Variants in NUDT1 observed in about 807,000 individuals in gnomAD.
NUDT1 encodes the protein oxidized purine nucleoside triphosphate hydrolase.
In NUDT1, 16 loss-of-function variants were observed where a neutral mutation model predicts 11.3. The observed-to-expected ratio is 1.41, with a 90% CI of 0.96 to 2.15. The LOEUF (loss-of-function observed/expected upper bound fraction) is 2.15. NUDT1 is among the 30% of genes most tolerant of loss of function. The probability of loss-of-function intolerance (pLI) is 0.00; values close to 1 mark genes in which losing one functional copy is unlikely to be tolerated. For synonymous variants in NUDT1, 101 were observed against 84.4 expected (o/e 1.20, Z -1.08); for missense variants, 234 against 208.4 (o/e 1.12, Z -0.76).
intron 2 of NUDT1, chr7:2,249,391 G>A (rs551058327): frequency 4.1e-5 from 9 of 221,472 alleles, no homozygotes; most frequent in Admixed American, 3.7e-4. Context: ...CAGAGCAAGC[G>A]TCCCAGGGCC....
Position 2,244,684 on chromosome 7 carries a change from G to C in NUDT1, c.110G>C (p.Gly37Ala). ...FGAGRWNGFG[G>A]KVQEGETIED... ...GCCGGCCGGTGGAATGGCTTTGGGG[G>C]CAAAGTGCAAGAAGGAGAGACCATC... is the stretch of plus-strand genomic sequence containing the variant. Residue 37 changes from glycine (G) to alanine (A), a missense_variant, in exon 2 of 4, where the codon GGC becomes GCC. Gly to Ala is a moderately conservative substitution (Grantham distance 60, BLOSUM62 0). Coordinates refer to ENST00000356714, the MANE Select transcript of NUDT1 (RefSeq NM_002452.4). 1.2e-6 allele frequency: 2 copies of C among 1,612,874 alleles called. No homozygotes were observed. Among genetic ancestry groups the C allele is most frequent in the African/African-American group, 2.7e-5 (2 of 75,020 alleles).
chr7:2,245,662 G>A (rs1794740799), intron 2 of NUDT1, among the ~76,000 whole-genome samples: 2 of 152,022 alleles, frequency 1.3e-5, no homozygotes, highest in South Asian at 2.1e-4. Context: ...GGGCTCAAAC[G>A]ATCCTCCTGC....
At chr7:2,246,809 G>A (rs1235140166) in intron 2 of NUDT1, among the ~76,000 whole-genome samples, 1 of 152,140 alleles carries the variant, frequency 6.6e-6, no homozygotes, top group African/African-American at 2.4e-5. Context: ...GGAGACGGGG[G>A]TTTCACCATG....
intron 2 of NUDT1, among the ~76,000 whole-genome samples, chr7:2,246,954 C>T (rs1305776701): frequency 6.6e-6 from 1 of 152,140 alleles, no homozygotes; most frequent in East Asian, 1.9e-4. Flanking sequence ...AAAAATCCTT[C>T]GTTGGGGAGC....
At position 2,244,738 on chromosome 7, in the gene NUDT1, G is replaced by A; in HGVS notation, c.152+12G>A. The stretch of plus-strand genomic sequence containing the variant: ...GATGGGGCTAGGAGGTAAGGATGGG[G>A]CAGGTCTGGCCATAGAACCGGCTTT... On this transcript the variant is annotated intron_variant, in intron 2 of 3. Transcript: ENST00000356714. The A allele has an allele frequency of 6.2e-7, 1 of 1,602,390 alleles. No homozygotes were observed. Among genetic ancestry groups the A allele is most frequent in the Non-Finnish European group, 8.5e-7 (1 of 1,175,536 alleles).
rs570257689 is a variant in NUDT1 at position 2,250,065 on chromosome 7, A to T, written c.298+63A>T. 5 of 1,596,622 alleles carry T rather than the reference A, an allele frequency of 3.1e-6. No individual in the cohort carries two copies. In the African/African-American group the frequency reaches 6.7e-5, roughly 21 times the overall value. ...CGGGTCCCATCTCCTGGCTGGGAGAAAGGCCATCCGCCCAAACCATCTCTG... is the reference window on the plus strand; with the variant it reads ...CGGGTCCCATCTCCTGGCTGGGAGATAGGCCATCCGCCCAAACCATCTCTG... On this transcript the variant is annotated intron_variant, in intron 3 of 3. Transcript: ENST00000356714.
intron 2 of NUDT1, among the ~76,000 whole-genome samples, chr7:2,248,366 G>T (rs1291221796): frequency 6.6e-6 from 1 of 152,164 alleles, no homozygotes; most frequent in Non-Finnish European, 1.5e-5. Context: ...GCTCAGAACG[G>T]GAGGTCAGCA....
intron 1 of NUDT1, among the ~76,000 whole-genome samples, chr7:2,244,155 C>T (rs187547714): frequency 1.3e-5 from 2 of 152,276 alleles, no homozygotes; most frequent in African/African-American, 2.4e-5. Flanking sequence ...GGATAAACTG[C>T]GTGGTTATTT....
chr7:2,248,613 G>C (rs1215142103), intron 2 of NUDT1, among the ~76,000 whole-genome samples: 3 of 147,258 alleles, frequency 2.0e-5, no homozygotes, highest in Non-Finnish European at 4.5e-5. Context: ...GTGCAGTGGA[G>C]TAATCCCAGC....
intron 2 of NUDT1, 121 bp downstream of exon 2, chr7:2,244,847 C>T (rs1239237250): frequency 1.5e-5 from 18 of 1,198,386 alleles, no homozygotes; most frequent in Non-Finnish European, 2.0e-5. Context: ...GGGGGTTAAG[C>T]GTGAGCCTCA....
chr7:2,246,615 T>C (rs1794775798), intron 2 of NUDT1, among the ~76,000 whole-genome samples: 1 of 152,194 alleles, frequency 6.6e-6, no homozygotes, highest in African/African-American at 2.4e-5. Context: ...TATTTTCTTC[T>C]GAACTTTGTC....
intron 2 of NUDT1, among the ~76,000 whole-genome samples, chr7:2,248,686 G>A (rs1374653062): frequency 1.3e-5 from 2 of 151,896 alleles, no homozygotes; most frequent in Non-Finnish European, 2.9e-5. Flanking sequence ...TGAGGAGCTG[G>A]GACTACAGGC....
chr7:2,244,329 C>T (rs928444214), intron 1 of NUDT1: 4 of 439,744 alleles, frequency 9.1e-6, no homozygotes, highest in African/African-American at 4.0e-5. Flanking sequence ...GGCCTCTGCT[C>T]TGCTTGATCA....
Position 2,249,883 on chromosome 7 carries a change from C to T in NUDT1, c.179C>T (p.Thr60Ile). 6.2e-7 allele frequency: 1 copy of T among 1,614,002 alleles called. No homozygotes were observed. The highest frequency in any genetic ancestry group is 8.5e-7 in the Non-Finnish European group (1 of 1,180,024). ...GAGCTGCAGGAGGAGAGCGGTCTGA[C>T]AGTGGACGCCCTGCACAAGGTGGGC... ...RRELQEESGL[T>I]VDALHKVGQI... Residue 60 changes from threonine to isoleucine, a missense_variant, in exon 3 of 4, where the codon ACA becomes ATA. Transcript: ENST00000356714.
At chr7:2,244,007 C>T (rs1416324459) in intron 1 of NUDT1, among the ~76,000 whole-genome samples, 1 of 152,078 alleles carries the variant, frequency 6.6e-6, no homozygotes, top group Admixed American at 6.5e-5. Context: ...GGAGGGAGGA[C>T]TAGCCGGGCC....
intron 1 of NUDT1, 165 bp downstream of exon 1, chr7:2,242,421 C>G (rs945527512): frequency 2.1e-6 from 1 of 467,530 alleles, no homozygotes; most frequent in East Asian, 3.6e-5. Flanking sequence ...TCGAGGGAGA[C>G]GAGGAGAGCG....
At chr7:2,249,115 G>T (rs1215280215) in intron 2 of NUDT1, among the ~76,000 whole-genome samples, 1 of 152,252 alleles carries the variant, frequency 6.6e-6, no homozygotes, top group African/African-American at 2.4e-5. Flanking sequence ...AGGCGCAGCA[G>T]CACTTGGGCA....
In NUDT1 at chr7:2,250,859, A is replaced by T. The variant is rs1419236034; in HGVS notation, c.329A>T (p.Gln110Leu). 1.9e-6 allele frequency: 3 copies of T among 1,614,220 alleles called. No homozygotes were observed. The highest frequency in any genetic ancestry group is 2.5e-6 in the Non-Finnish European group (3 of 1,180,032). The change falls in exon 4 of 4, where the codon CAG becomes CTG. Residue 110 changes from glutamine to leucine, a missense_variant. By Grantham distance (113) the Gln-to-Leu change is moderately radical. Coordinates refer to ENST00000356714, the MANE Select transcript of NUDT1 (RefSeq NM_002452.4). Reference protein sequence around the residue: ...EMRPCWFQLDQIPFKDMWPDD... With the variant: ...EMRPCWFQLDLIPFKDMWPDD... ...CGCCCATGCTGGTTCCAGCTGGATCAGATCCCCTTCAAGGACATGTGGCCC... is the reference window on the plus strand; with the variant it reads ...CGCCCATGCTGGTTCCAGCTGGATCTGATCCCCTTCAAGGACATGTGGCCC...
At chr7:2,244,168 G>A (rs1411352683) in intron 1 of NUDT1, among the ~76,000 whole-genome samples, 1 of 152,240 alleles carries the variant, frequency 6.6e-6, no homozygotes, top group Non-Finnish European at 1.5e-5. Context: ...GGTTATTTTG[G>A]TGCCAATCAG....
Sources: allele counts gnomAD v4.1 joint callset (sites outside exome capture counted in the v4.1 genomes callset), GRCh38; gene constraint gnomAD v4.1.1; transcripts MANE v1.5; gene names NCBI Gene and HGNC (gene_info 2026-07-23, HGNC 2026-07-21).